NAV2: variants seen among roughly 807,000 people sequenced by gnomAD.
NAV2 encodes the protein neuron navigator 2.
NAV2 carries 54 observed loss-of-function variants against 223.2 expected under a neutral mutation model. The observed-to-expected ratio is 0.24, with a 90% CI of 0.19 to 0.30. The LOEUF (loss-of-function observed/expected upper bound fraction) is 0.30. NAV2 is among the 10% of genes least tolerant of loss of function. The pLI, the probability that NAV2 is intolerant of heterozygous loss-of-function variation, is 1.00. For missense variants in NAV2, 2,806 were observed against 3,147.5 expected, an observed-to-expected ratio of 0.89 and a Z score of 2.60; for synonymous variants, 1,279 against 1,239.3, an observed-to-expected ratio of 1.03 and a Z score of -0.67.
At chr11:19,499,095 T>C (rs1395945672) in intron 1 of NAV2, among the ~76,000 whole-genome samples, 1 of 152,248 alleles carries the variant, frequency 6.6e-6, no homozygotes, top group Non-Finnish European at 1.5e-5. Context: ...TGGGCTGTTA[T>C]ATTTCTTAAA....
At chr11:19,631,871 T>C (rs2047357032) in intron 1 of NAV2, among the ~76,000 whole-genome samples, 1 of 152,230 alleles carries the variant, frequency 6.6e-6, no homozygotes, top group South Asian at 2.1e-4. Context: ...TAATTAGCCA[T>C]CGTCTTCCCA....
At chr11:19,434,415 T>TTTA (rs1851141928) in intron 1 of NAV2, among the ~76,000 whole-genome samples, 1 of 152,190 alleles carries the variant, frequency 6.6e-6, no homozygotes, top group African/African-American at 2.4e-5. Context: ...TGGCCAATGT[T>TTTA]TTATTATTGA....
At chr11:19,884,285 A>G (rs371904236) in intron 5 of NAV2, 17 of 1,610,232 alleles carry the variant, frequency 1.1e-5, no homozygotes, top group African/African-American at 8.0e-5. Context: ...TTTCTTTCCT[A>G]TCATGCAGTG....
intron 1 of NAV2, among the ~76,000 whole-genome samples, chr11:19,619,239 A>G (rs2046909163): frequency 1.5e-5 from 2 of 133,980 alleles, no homozygotes; most frequent in Admixed American, 1.6e-4. Context: ...GTGTCTGTAT[A>G]GCAGCATGAT....
intron 1 of NAV2, among the ~76,000 whole-genome samples, chr11:19,462,567 C>T (rs1396817635): frequency 1.3e-5 from 2 of 152,144 alleles, no homozygotes; most frequent in Non-Finnish European, 2.9e-5. Flanking sequence ...TTCATGTATG[C>T]TTTTGTATTT....
intron 2 of NAV2, among the ~76,000 whole-genome samples, chr11:19,836,489 G>A (rs1030211029): frequency 3.6e-4 from 55 of 151,574 alleles, no homozygotes; most frequent in Admixed American, 3.0e-3. Context: ...CCCGGGAAGC[G>A]GAGCTTGCAG....
intron 1 of NAV2, among the ~76,000 whole-genome samples, chr11:19,697,820 G>C (rs1353886638): frequency 2.6e-5 from 4 of 152,236 alleles, no homozygotes; most frequent in Non-Finnish European, 4.4e-5. Flanking sequence ...AATTGGCTCT[G>C]ACAGCAGCTC....
At chr11:19,384,785 G>C (rs934875783) in intron 1 of NAV2, 1 of 152,236 alleles carries the variant, frequency 6.6e-6, no homozygotes, top group African/African-American at 2.4e-5. Flanking sequence ...AGCGTTCAGT[G>C]CGGGCTTCTC....
At chr11:20,104,035 G>A (rs1028475586) in intron 34 of NAV2, among the ~76,000 whole-genome samples, 1 of 152,194 alleles carries the variant, frequency 6.6e-6, no homozygotes, top group Admixed American at 6.5e-5. Flanking sequence ...GGTCAAGGGG[G>A]CAGCTCTGGA....
At chr11:19,968,221 G>T (rs373976299) in intron 10 of NAV2, among the ~76,000 whole-genome samples, 36 of 152,268 alleles carry the variant, frequency 2.4e-4, no homozygotes, top group African/African-American at 8.4e-4. Flanking sequence ...TTTTGAGATA[G>T]AGTTTCACTC....
intron 1 of NAV2, among the ~76,000 whole-genome samples, chr11:19,477,218 A>T (rs2042145401): frequency 6.6e-6 from 1 of 152,220 alleles, no homozygotes; most frequent in Admixed American, 6.5e-5. Flanking sequence ...CTAAGAAAAA[A>T]ATGCAAACCC....
chr11:19,676,654 G>C (rs1310367759), intron 1 of NAV2, among the ~76,000 whole-genome samples: 1 of 152,182 alleles, frequency 6.6e-6, no homozygotes, highest in Admixed American at 6.5e-5. Flanking sequence ...GCACTCTATG[G>C]GGTGGAGGCA....
At chr11:19,470,472 G>A (rs929806283) in intron 1 of NAV2, among the ~76,000 whole-genome samples, 6 of 152,200 alleles carry the variant, frequency 3.9e-5, no homozygotes, top group African/African-American at 1.2e-4. Context: ...ACGGCATCTT[G>A]TGAGGGCCTT....
At chr11:19,991,261 G>T (rs2051304093) in intron 11 of NAV2, among the ~76,000 whole-genome samples, 2 of 152,056 alleles carry the variant, frequency 1.3e-5, no homozygotes, top group South Asian at 4.1e-4. Flanking sequence ...AAGTAGCTGG[G>T]ATTACAGGTG....
At chr11:19,993,585 C>T (rs1051409086) in intron 11 of NAV2, among the ~76,000 whole-genome samples, 1 of 152,120 alleles carries the variant, frequency 6.6e-6, no homozygotes, top group Admixed American at 6.6e-5. Context: ...CCCCCTCCCC[C>T]CGTTATTTAA....
At chr11:19,908,293 T>C (rs1018091887) in intron 6 of NAV2, among the ~76,000 whole-genome samples, 1 of 151,990 alleles carries the variant, frequency 6.6e-6, no homozygotes, top group African/African-American at 2.4e-5. Context: ...GTGTGGGAGC[T>C]CTCAGGGCAC....
At chr11:20,015,888 G>T (rs572834447) in intron 11 of NAV2, among the ~76,000 whole-genome samples, 7 of 152,328 alleles carry the variant, frequency 4.6e-5, no homozygotes, top group African/African-American at 7.2e-5. Flanking sequence ...AAGTGTCTTA[G>T]TGTCATCTGT....
rs781721981 is a variant in NAV2, at chr11:19,374,723, AT to A, written c.75+23698del. ...GAAGCCTTTACTGGAAATATCATGA[AT>A]TCAGGAGAGATCAGGATGTGGACAT... On this transcript the variant is annotated intron_variant, in intron 1 of 37. Coordinates refer to the NAV2 transcript ENST00000360655. Among the ~76,000 whole-genome samples the A allele has an allele frequency of 1.0e-3, 159 of 152,302 alleles. 1 individual carries two copies. The highest frequency in any genetic ancestry group is 3.4e-3 in the Middle Eastern group (1 of 294).
At chr11:19,714,459 C>A (rs1486938837) in intron 1 of NAV2, 1 of 456,770 alleles carries the variant, frequency 2.2e-6, no homozygotes, top group East Asian at 6.9e-5. Flanking sequence ...TGGCAGTGAA[C>A]CTGCTCTTCC....
Sources: allele counts gnomAD v4.1 joint callset (sites outside exome capture counted in the v4.1 genomes callset), GRCh38; gene constraint gnomAD v4.1.1; transcripts MANE v1.5; gene names NCBI Gene and HGNC (gene_info 2026-07-23, HGNC 2026-07-21).